The following STK31 variants were observed in gnomAD, a reference collection of about 807,000 sequenced individuals.
The protein encoded by STK31 is serine/threonine kinase 31, also known as serine/threonine-protein kinase 31.
A neutral mutation model predicts 129.7 loss-of-function variants in STK31; 89 were observed. The observed-to-expected ratio is 0.69, with a 90% CI of 0.58 to 0.82. The LOEUF is 0.82. Among genes scored for constraint, STK31 ranks in the 40% least tolerant of loss-of-function variants. The pLI is 0.00. For synonymous variants in STK31, 448 were observed against 395.3 expected, an observed-to-expected ratio of 1.13 and a Z score of -1.58; for missense variants, 1,187 against 1,176.4, an observed-to-expected ratio of 1.01 and a Z score of -0.13.
chr7:23,799,000 A>G (rs1371161876), intron 22 of STK31, among the ~76,000 whole-genome samples: 1 of 152,208 alleles, frequency 6.6e-6, no homozygotes, highest in Non-Finnish European at 1.5e-5. Context: ...CAATTGCTAC[A>G]AAGAGAGTAA....
intron 6 of STK31, 110 bp downstream of exon 6, chr7:23,729,359 G>C (rs1787263073): frequency 1.0e-6 from 1 of 969,506 alleles, no homozygotes. Flanking sequence ...GTATAAATTA[G>C]TGAAAAATAG....
intron 1 of STK31, among the ~76,000 whole-genome samples, chr7:23,711,378 A>G (rs1387343438): frequency 6.6e-6 from 1 of 151,826 alleles, no homozygotes; most frequent in Non-Finnish European, 1.5e-5. Context: ...TGGAGGTTGC[A>G]GTGAGCTAAG....
intron 4 of STK31, among the ~76,000 whole-genome samples, 154 bp downstream of exon 4, chr7:23,717,733 A>C (rs1205737950): frequency 6.6e-6 from 1 of 152,248 alleles, no homozygotes; most frequent in Non-Finnish European, 1.5e-5. Flanking sequence ...TTATTAATTC[A>C]AAAATACTTA....
At chr7:23,724,541 G>A (rs1164971021) in intron 4 of STK31, among the ~76,000 whole-genome samples, 1 of 152,156 alleles carries the variant, frequency 6.6e-6, no homozygotes, top group Non-Finnish European at 1.5e-5. Context: ...GCCTCACCTG[G>A]TTTGCAATAA....
chr7:23,819,725 A>G (rs1389931488), intron 23 of STK31, among the ~76,000 whole-genome samples: 1 of 152,102 alleles, frequency 6.6e-6, no homozygotes, highest in Non-Finnish European at 1.5e-5. Flanking sequence ...TCAGTCTGAT[A>G]TGTGCTTTGG....
intron 11 of STK31, among the ~76,000 whole-genome samples, chr7:23,765,984 G>A (rs1324902626): frequency 6.6e-6 from 1 of 152,162 alleles, no homozygotes; most frequent in African/African-American, 2.4e-5. Flanking sequence ...GATATTGTGT[G>A]TGATAGCTCA....
At chr7:23,714,821 C>A (rs1261168482) in intron 3 of STK31, among the ~76,000 whole-genome samples, 1 of 151,926 alleles carries the variant, frequency 6.6e-6, no homozygotes, top group African/African-American at 2.4e-5. Context: ...GAGTATTTTA[C>A]CATTTTTAGG....
chr7:23,810,746 G>T (rs1442682644), intron 22 of STK31, among the ~76,000 whole-genome samples: 123 of 122,240 alleles, frequency 1.0e-3, no homozygotes, highest in African/African-American at 3.4e-3. Context: ...ATATAAAATA[G>T]ATATATATAA....
chr7:23,770,914 C>A, intron 13 of STK31, 91 bp from the exon 14 acceptor site: 1 of 1,305,894 alleles, frequency 7.7e-7, no homozygotes, highest in Non-Finnish European at 1.0e-6. Context: ...CTGTTAAAGG[C>A]ATAATTTTGA....
intron 23 of STK31, among the ~76,000 whole-genome samples, chr7:23,825,577 G>GT (rs1194822411): frequency 2.0e-5 from 3 of 152,080 alleles, no homozygotes; most frequent in Non-Finnish European, 4.4e-5. Flanking sequence ...TTTTTGAAGG[G>GT]TTTTTTGTGT....
At chr7:23,780,520 A>G (rs1015899614) in intron 15 of STK31, among the ~76,000 whole-genome samples, 3 of 152,158 alleles carry the variant, frequency 2.0e-5, no homozygotes, top group Non-Finnish European at 4.4e-5. Context: ...TAAGAGACAG[A>G]TGGTTTGAAT....
At chr7:23,730,916 G>A (rs1428722899) in intron 6 of STK31, among the ~76,000 whole-genome samples, 1 of 84,820 alleles carries the variant, frequency 1.2e-5, no homozygotes, top group African/African-American at 4.4e-5. Context: ...TTGAAGTCTT[G>A]CTCTGTTGCC....
rs1794615462 is a variant in STK31 at position 23,832,409 on chromosome 7, G to C, written c.*43G>C. The C allele has an allele frequency of 1.0e-6, 1 of 970,938 alleles. No individual in the cohort carries two copies. Among genetic ancestry groups the C allele is most frequent in the East Asian group, 2.6e-5 (1 of 37,806 alleles). 60.1% of individuals were successfully genotyped at this position (970,938 alleles called of 1,614,324 possible). A position where few individuals can be genotyped will look rare whatever the true frequency, so the allele number is the denominator to read the frequency against. ...TGCAGAGGTTCTTTTTAAAAACTTT[G>C]GTTTGGTTAATACACAGAAATATCT... On this transcript the variant is annotated 3_prime_UTR_variant, in exon 24 of 24. Coordinates refer to ENST00000355870, the MANE Select transcript of STK31 (RefSeq NM_031414.5).
Position 23,729,219 on chromosome 7 carries a change from T to G in STK31, c.453T>G (p.Pro151=). The G allele has an allele frequency of 6.2e-7, 1 of 1,606,714 alleles. No individual in the cohort carries two copies. Among genetic ancestry groups the G allele is most frequent in the Non-Finnish European group, 8.5e-7 (1 of 1,178,208 alleles). Residue 151 remains proline, a synonymous_variant, in exon 6 of 24, where the codon CCT becomes CCG. Transcript: ENST00000355870. ...ATAAACTTTGGGGACTACACATTCC[T>G]TCTGATCAAGAAGTTACCCAGTTTG... is the stretch of plus-strand genomic sequence containing the variant. The part of the protein sequence containing the change: ...KKYKLWGLHI[P]SDQEVTQFDQ...
chr7:23,822,458 T>G (rs1341632419), intron 23 of STK31, among the ~76,000 whole-genome samples: 1 of 152,180 alleles, frequency 6.6e-6, no homozygotes. Flanking sequence ...TTTATAGAAA[T>G]GCTACTGATT....
intron 4 of STK31, among the ~76,000 whole-genome samples, chr7:23,719,912 T>C (rs1364880991): frequency 2.0e-5 from 3 of 152,142 alleles, no homozygotes; most frequent in African/African-American, 7.2e-5. Flanking sequence ...GTAATAACAA[T>C]GCTGGTGGTA....
At position 23,786,824 on chromosome 7, in the gene STK31, G is replaced by C; in HGVS notation, c.2401-14G>C. ...GTTTTTACTTGGAGTCACATTCTCTGTTTTGCTTCTTAGTCTGATCCTATG... is the reference window on the plus strand; with the variant it reads ...GTTTTTACTTGGAGTCACATTCTCTCTTTTGCTTCTTAGTCTGATCCTATG... On this transcript the variant is annotated splice_polypyrimidine_tract_variant and intron_variant, in intron 19 of 23. Coordinates refer to ENST00000355870, the MANE Select transcript of STK31 (RefSeq NM_031414.5). 6.2e-7 allele frequency: 1 copy of C among 1,606,644 alleles called. No homozygotes were observed. The highest frequency in any genetic ancestry group is 8.5e-7 in the Non-Finnish European group (1 of 1,177,358).
rs1468031311 is a variant in STK31, at chr7:23,746,868, A to T, written c.1018-5849A>T. ...TAAGTTAAAATTATTTAACTTACTA[A>T]CTTATTTAAAAATAAGTTAAAATTA... is the stretch of plus-strand genomic sequence containing the variant. On this transcript the variant is annotated intron_variant, in intron 8 of 23. Coordinates refer to ENST00000355870, the MANE Select transcript of STK31 (RefSeq NM_031414.5). 8.6e-5 allele frequency among the ~76,000 whole-genome samples: 13 copies of T among 151,962 alleles called. No individual in the cohort carries two copies. The East Asian group carries it at 2.5e-3, about 29-fold the overall frequency.
chr7:23,714,301 T>G (rs74874168), intron 3 of STK31, among the ~76,000 whole-genome samples: 4,728 of 152,334 alleles, frequency 0.031, 128 homozygotes, highest in Middle Eastern at 0.058. Context: ...GCCCATTGTC[T>G]CTGTATTAGT....
Sources: allele counts gnomAD v4.1 joint callset (sites outside exome capture counted in the v4.1 genomes callset), GRCh38; gene constraint gnomAD v4.1.1; transcripts MANE v1.5; gene names NCBI Gene and HGNC (gene_info 2026-07-23, HGNC 2026-07-21).